PDE10A: variants seen among roughly 807,000 people sequenced by gnomAD.
PDE10A encodes cAMP and cAMP-inhibited cGMP 3',5'-cyclic phosphodiesterase 10A.
Under a neutral mutation model 97.7 loss-of-function variants are expected in PDE10A, and 39 were observed. That is an observed-to-expected ratio of 0.40 (90% CI 0.31 to 0.52). The LOEUF (loss-of-function observed/expected upper bound fraction) is 0.52, where lower values mean the gene tolerates loss of function less well. PDE10A is among the 20% of genes least tolerant of loss of function. The pLI is 0.56. For synonymous variants in PDE10A, 371 were observed against 376.8 expected, an observed-to-expected ratio of 0.98 and a Z score of 0.18; for missense variants, 731 against 1,047.8, an observed-to-expected ratio of 0.70 and a Z score of 4.17.
In PDE10A at chr6:165,771,128, G is replaced by T. The variant is rs186930738; in HGVS notation, c.-615+216401C>A. 1.5e-3 allele frequency among the ~76,000 whole-genome samples: 236 copies of T among 152,350 alleles called. 1 individual carries two copies. Among genetic ancestry groups the T allele is most frequent in the African/African-American group, 5.5e-3 (227 of 41,580 alleles). ...GTTGTGCCTTGAGCAACCAATGGCT[G>T]AAAGAAAGGGCACCAAATAGTCTCT... is the stretch of plus-strand genomic sequence containing the variant. On this transcript the variant is annotated intron_variant, in intron 1 of 19. Transcript: ENST00000366882.
intron 3 of PDE10A, among the ~76,000 whole-genome samples, chr6:165,462,793 G>A (rs2146321): frequency 0.028 from 4,244 of 152,254 alleles, 200 homozygotes; most frequent in African/African-American, 0.094. Context: ...TATTCCTTCA[G>A]CAAGGGCTGA....
chr6:165,493,490 T>C (rs1780343811), intron 2 of PDE10A, among the ~76,000 whole-genome samples: 2 of 152,072 alleles, frequency 1.3e-5, no homozygotes, highest in African/African-American at 4.8e-5. Flanking sequence ...AAAATAGGCA[T>C]ATAGACCAAT....
At chr6:165,422,583 C>G (rs1307149283) in intron 10 of PDE10A, among the ~76,000 whole-genome samples, 2 of 152,092 alleles carry the variant, frequency 1.3e-5, no homozygotes, top group Non-Finnish European at 2.9e-5. Flanking sequence ...CTAAGGAAAA[C>G]TTACTTTAAG....
chr6:165,520,707 C>A (rs1782078422), intron 2 of PDE10A, among the ~76,000 whole-genome samples: 1 of 152,134 alleles, frequency 6.6e-6, no homozygotes, highest in Non-Finnish European at 1.5e-5. Context: ...CGGTCAATTA[C>A]TGAATTCATA....
At chr6:165,815,158 G>A (rs9356393) in intron 1 of PDE10A, among the ~76,000 whole-genome samples, 44,373 of 152,022 alleles carry the variant, frequency 0.29, 6,925 homozygotes, top group Non-Finnish European at 0.34. Flanking sequence ...AGTGCCCTGG[G>A]CCCAGCTCCT....
chr6:165,711,909 G>C lies in PDE10A; in HGVS notation c.-614-168341C>G, dbSNP rs1344250009. On this transcript the variant is annotated intron_variant, in intron 1 of 19. Coordinates refer to the PDE10A transcript ENST00000366882. This position sits in a 1 kb window ranked among gnomAD's most constrained non-coding sequence, Gnocchi z 4.5. Reference sequence around the variant, plus strand: ...ATCCTAGGGGTGATTGGTGACTGGGGCAACCTGATCAGTGACATACTTCAC... The same window carrying C: ...ATCCTAGGGGTGATTGGTGACTGGGCCAACCTGATCAGTGACATACTTCAC... Among the ~76,000 whole-genome samples, 1 of 152,158 alleles carries C rather than the reference G, an allele frequency of 6.6e-6. No homozygotes were observed. The highest frequency in any genetic ancestry group is 2.4e-5 in the African/African-American group (1 of 41,436).
At chr6:165,684,075 G>A in intron 1 of PDE10A, among the ~76,000 whole-genome samples, 1 of 152,110 alleles carries the variant, frequency 6.6e-6, no homozygotes, top group East Asian at 1.9e-4. Context: ...TTTGCAGTGA[G>A]GCCTTCCCAG....
At chr6:165,485,476 A>AAAAT (rs1779858080) in intron 2 of PDE10A, among the ~76,000 whole-genome samples, 1 of 151,880 alleles carries the variant, frequency 6.6e-6, no homozygotes, top group South Asian at 2.1e-4. Flanking sequence ...TCAAAAAAAA[A>AAAAT]AAAAAAAAAA....
intron 19 of PDE10A, among the ~76,000 whole-genome samples, chr6:165,342,364 G>C (rs1256306467): frequency 6.6e-6 from 1 of 152,170 alleles, no homozygotes; most frequent in Admixed American, 6.5e-5. Flanking sequence ...ATGGTAACTA[G>C]GTTCTGACAC....
At chr6:165,597,128 C>T (rs1786645771) in intron 1 of PDE10A, among the ~76,000 whole-genome samples, 1 of 152,114 alleles carries the variant, frequency 6.6e-6, no homozygotes, top group Non-Finnish European at 1.5e-5. Context: ...CTTACCCCTC[C>T]TCTCCTTTAA....
At chr6:165,913,691 G>A (rs1782529292) in intron 1 of PDE10A, among the ~76,000 whole-genome samples, 1 of 152,140 alleles carries the variant, frequency 6.6e-6, no homozygotes, top group Non-Finnish European at 1.5e-5. Context: ...CATGTGGCTT[G>A]GGTCACGGTT....
At chr6:165,452,834 G>A (rs1165244202) in intron 3 of PDE10A, among the ~76,000 whole-genome samples, 2 of 151,712 alleles carry the variant, frequency 1.3e-5, no homozygotes, top group African/African-American at 2.4e-5. Context: ...AGAACTTGAA[G>A]GAAATGGCTG....
intron 5 of PDE10A, among the ~76,000 whole-genome samples, chr6:165,446,116 T>C (rs1790830643): frequency 1.3e-5 from 2 of 152,116 alleles, no homozygotes; most frequent in Admixed American, 1.3e-4. Context: ...CCAAAATAAA[T>C]TTAAAAACAG....
At chr6:165,376,887 T>A (rs555836308) in intron 18 of PDE10A, among the ~76,000 whole-genome samples, 1 of 152,124 alleles carries the variant, frequency 6.6e-6, no homozygotes, top group African/African-American at 2.4e-5. Flanking sequence ...CCACTGCATG[T>A]TGACAGGCTG....
At chr6:165,663,329 A>G (rs547571292), upstream of PDE10A, among the ~76,000 whole-genome samples, 77 of 151,880 alleles carry the variant, frequency 5.1e-4, no homozygotes, top group African/African-American at 1.8e-3. Flanking sequence ...CCCCTGCGCC[A>G]GGCTCCCGCA....
At chr6:165,537,820 T>TC (rs11400447) in intron 2 of PDE10A, among the ~76,000 whole-genome samples, 152,007 of 152,018 alleles carry the variant, frequency 1, 75,998 homozygotes, top group Non-Finnish European at 1. Flanking sequence ...GAATGTAATT[T>TC]AACATTTGAG....
At chr6:165,798,663 G>T (rs1337130512) in intron 1 of PDE10A, among the ~76,000 whole-genome samples, 1 of 151,892 alleles carries the variant, frequency 6.6e-6, no homozygotes, top group Non-Finnish European at 1.5e-5. Context: ...CACATGAAAA[G>T]ATAATGTTTT....
At position 165,889,004 on chromosome 6, in the gene PDE10A, G is replaced by T. The variant is rs75318900; in HGVS notation, c.-615+98525C>A. Among the ~76,000 whole-genome samples the T allele has an allele frequency of 9.2e-3, 1,291 of 140,272 alleles. 7 individuals are homozygous for T. The highest frequency in any genetic ancestry group is 0.015 in the Non-Finnish European group (983 of 65,680). 92.0% of individuals were successfully genotyped at this position (140,272 alleles called of 152,430 possible). A position where few individuals can be genotyped will look rare whatever the true frequency, so the allele number is the denominator to read the frequency against. Reference sequence around the variant, plus strand: ...CTTAGTTTTTAAAATTCCTGATCTTGCATACTTTTTGTGTATCTTTTATGA... The same window carrying T: ...CTTAGTTTTTAAAATTCCTGATCTTTCATACTTTTTGTGTATCTTTTATGA... On this transcript the variant is annotated intron_variant, in intron 1 of 19. Transcript: ENST00000366882.
At position 165,803,729 on chromosome 6, in the gene PDE10A, T is replaced by C. The variant is rs112537423; in HGVS notation, c.-615+183800A>G. Among the ~76,000 whole-genome samples, 580 of 152,328 alleles carry C rather than the reference T, an allele frequency of 3.8e-3. 5 individuals are homozygous for C. The highest frequency in any genetic ancestry group is 0.013 in the African/African-American group (546 of 41,576). On this transcript the variant is annotated intron_variant, in intron 1 of 19. Transcript: ENST00000366882. Reference sequence around the variant, plus strand: ...AATCACATAAAGTCTTCTTTGGCCATACACTTTGCCATGTTTCATTCACAA... The same window carrying C: ...AATCACATAAAGTCTTCTTTGGCCACACACTTTGCCATGTTTCATTCACAA...
Sources: allele counts gnomAD v4.1 joint callset (sites outside exome capture counted in the v4.1 genomes callset), GRCh38; gene constraint gnomAD v4.1.1; non-coding constraint Gnocchi (gnomAD v3.1); transcripts MANE v1.5; gene names NCBI Gene and HGNC (gene_info 2026-07-23, HGNC 2026-07-21).